Variants in ESR1 observed in about 807,000 individuals in gnomAD.
The protein encoded by ESR1 is estrogen receptor.
In ESR1, 12 loss-of-function variants were observed where a neutral mutation model predicts 52.7. The ratio of observed to expected loss-of-function variants is 0.23; its 90% CI spans 0.15 to 0.37. ESR1 has a LOEUF of 0.37. Among genes scored for constraint, ESR1 ranks in the 10% least tolerant of loss-of-function variants. The probability of loss-of-function intolerance (pLI) is 1.00; values close to 1 mark genes in which losing one functional copy is unlikely to be tolerated. For synonymous variants in ESR1, 305 were observed against 316.8 expected, an observed-to-expected ratio of 0.96 and a Z score of 0.39; for missense variants, 584 against 779.7, an observed-to-expected ratio of 0.75 and a Z score of 2.99.
intron 1 of ESR1, among the ~76,000 whole-genome samples, chr6:151,699,899 C>T (rs1302529051): frequency 1.3e-5 from 2 of 151,948 alleles, no homozygotes; most frequent in Non-Finnish European, 2.9e-5. Context: ...TGGAGACGGC[C>T]AAACCAGATA....
At position 151,923,792 on chromosome 6, in the gene ESR1, C is replaced by T. The variant is rs114315086; in HGVS notation, c.761-20381C>T. ...ACATTTTTGTGCAGGTTTTTGTGTG[C>T]ATGTGTATTTTCAAATTAGTTGGGT... On this transcript the variant is annotated intron_variant, in intron 3 of 7. Transcript: ENST00000206249. Among the ~76,000 whole-genome samples, 1,033 of 152,246 alleles carry T rather than the reference C, an allele frequency of 6.8e-3. 18 individuals carry two copies. Among genetic ancestry groups the T allele is most frequent in the African/African-American group, 0.024 (997 of 41,530 alleles).
At chr6:152,052,708 C>G (rs1433129927) in intron 5 of ESR1, among the ~76,000 whole-genome samples, 1 of 151,972 alleles carries the variant, frequency 6.6e-6, no homozygotes, top group Non-Finnish European at 1.5e-5. Context: ...GAGAAGTTTC[C>G]CTGGACCCAA....
chr6:151,865,992 C>T (rs1009441829), intron 2 of ESR1, among the ~76,000 whole-genome samples: 4 of 152,212 alleles, frequency 2.6e-5, no homozygotes, highest in African/African-American at 9.6e-5. Context: ...ATGACCATTG[C>T]GACTTGAGCT....
downstream of ESR1, among the ~76,000 whole-genome samples, chr6:152,105,775 C>CTTTTTTTTTTTTT (rs71017522): frequency 3.8e-5 from 3 of 79,432 alleles, no homozygotes; most frequent in African/African-American, 5.3e-5. Flanking sequence ...CAGTATGCAT[C>CTTTTTTTTTTTTT]TTTTTTTTTT....
chr6:151,837,163 C>T (rs1322772650), intron 1 of ESR1, among the ~76,000 whole-genome samples: 5 of 144,996 alleles, frequency 3.4e-5, no homozygotes, highest in East Asian at 4.1e-4. Context: ...TGCACTGGCA[C>T]GATCTAGGCT....
At chr6:151,749,500 A>G (rs1783741820) in intron 2 of ESR1, among the ~76,000 whole-genome samples, 1 of 152,202 alleles carries the variant, frequency 6.6e-6, no homozygotes, top group African/African-American at 2.4e-5. Context: ...CTGCTGTGCA[A>G]TGGAACACCA....
At chr6:151,997,409 T>C (rs566528536) in intron 4 of ESR1, among the ~76,000 whole-genome samples, 3 of 152,252 alleles carry the variant, frequency 2.0e-5, no homozygotes, top group Admixed American at 2.0e-4. Context: ...CTTAGGAAAC[T>C]TGGAATGCTT....
chr6:151,798,851 A>C (rs930828213), intron 2 of ESR1, among the ~76,000 whole-genome samples: 10 of 152,232 alleles, frequency 6.6e-5, no homozygotes, highest in African/African-American at 2.2e-4. Flanking sequence ...TATAAGCATG[A>C]GACCTAAATG....
chr6:152,041,020 G>C (rs1031704623), intron 5 of ESR1, among the ~76,000 whole-genome samples: 2 of 152,184 alleles, frequency 1.3e-5, no homozygotes, highest in African/African-American at 4.8e-5. Flanking sequence ...GTTCATGATA[G>C]GCAATTTAGG....
At chr6:151,762,822 G>A (rs2128098740) in intron 2 of ESR1, among the ~76,000 whole-genome samples, 1 of 152,088 alleles carries the variant, frequency 6.6e-6, no homozygotes, top group South Asian at 2.1e-4. Flanking sequence ...AAATTAGCTG[G>A]GCATAGTGGC....
At chr6:152,035,593 A>G (rs930553296) in intron 5 of ESR1, among the ~76,000 whole-genome samples, 1 of 151,458 alleles carries the variant, frequency 6.6e-6, no homozygotes, top group Non-Finnish European at 1.5e-5. Flanking sequence ...AGTACCAAAG[A>G]TAATCAAATG....
At chr6:151,811,870 C>G (rs1303474944) in intron 1 of ESR1, among the ~76,000 whole-genome samples, 3 of 152,114 alleles carry the variant, frequency 2.0e-5, no homozygotes, top group Non-Finnish European at 4.4e-5. Flanking sequence ...TTCATTTTCA[C>G]CTCCTCCATG....
chr6:151,931,196 C>T (rs1298406866), intron 3 of ESR1, among the ~76,000 whole-genome samples: 5 of 151,824 alleles, frequency 3.3e-5, no homozygotes, highest in African/African-American at 9.7e-5. Flanking sequence ...GCTTGTTATA[C>T]CTTTTGCTTT....
In ESR1 at chr6:151,961,043, A is replaced by C. The variant is rs77650591; in HGVS notation, c.1096+16535A>C. ...GGTGGAACAAGTTTTTGAGGAGGAA[A>C]TCAGTTCAGTGTTGGCTATGTTGAA... On this transcript the variant is annotated intron_variant, in intron 4 of 7. Coordinates refer to ENST00000206249, the MANE Select transcript of ESR1 (RefSeq NM_000125.4). Among the ~76,000 whole-genome samples, 1,016 of 152,312 alleles carry C rather than the reference A, an allele frequency of 6.7e-3. 15 individuals carry two copies. The highest frequency in any genetic ancestry group is 0.024 in the African/African-American group (980 of 41,562).
At chr6:151,974,419 C>T (rs913625881) in intron 4 of ESR1, among the ~76,000 whole-genome samples, 5 of 152,198 alleles carry the variant, frequency 3.3e-5, no homozygotes, top group Non-Finnish European at 7.3e-5. Flanking sequence ...TCACACATCA[C>T]CAGTACACTG....
At chr6:151,865,706 C>T (rs958965902) in intron 2 of ESR1, among the ~76,000 whole-genome samples, 3 of 152,336 alleles carry the variant, frequency 2.0e-5, no homozygotes, top group Non-Finnish European at 2.9e-5. Flanking sequence ...ACAACAGATA[C>T]ATCTCTTTCC....
intron 3 of ESR1, among the ~76,000 whole-genome samples, chr6:151,925,118 A>C (rs2032451933): frequency 2.4e-5 from 1 of 41,470 alleles, no homozygotes; most frequent in South Asian, 4.8e-4. Flanking sequence ...CCTCCCCAGC[A>C]TCTGGTTTTT....
At chr6:151,852,061 A>G (rs1786849535) in intron 2 of ESR1, among the ~76,000 whole-genome samples, 1 of 152,224 alleles carries the variant, frequency 6.6e-6, no homozygotes, top group Admixed American at 6.5e-5. Context: ...TATCCAGGAG[A>G]TAAAAGAGTT....
At chr6:151,709,834 A>G (rs1780457380) in intron 2 of ESR1, among the ~76,000 whole-genome samples, 2 of 151,896 alleles carry the variant, frequency 1.3e-5, no homozygotes, top group Non-Finnish European at 2.9e-5. Context: ...AAAATTAAAA[A>G]ATAATTGTAT....
Sources: gnomAD v4.1 joint callset for allele counts (sites outside exome capture counted in the v4.1 genomes callset) on GRCh38, gnomAD v4.1.1 for gene constraint, MANE v1.5 for transcripts, NCBI Gene and HGNC (gene_info 2026-07-23, HGNC 2026-07-21) for gene names.